ARMC9: variants seen among roughly 807,000 people sequenced by gnomAD.
The protein encoded by ARMC9 is lisH domain-containing protein ARMC9.
ARMC9 carries 94 observed loss-of-function variants against 107.0 expected under a neutral mutation model. The observed-to-expected ratio is 0.88, with a 90% CI of 0.74 to 1.04. ARMC9 has a LOEUF of 1.04. ARMC9 is among the 50% of genes least tolerant of loss of function. ARMC9 has a pLI of 0.00. For synonymous variants in ARMC9, 380 were observed against 396.9 expected (o/e 0.96, Z 0.51); for missense variants, 942 against 1,030.1 (o/e 0.91, Z 1.17).
intron 19 of ARMC9, among the ~76,000 whole-genome samples, chr2:231,311,302 T>C (rs1451895170): frequency 1.3e-5 from 2 of 152,140 alleles, no homozygotes; most frequent in Non-Finnish European, 2.9e-5. Context: ...TTTTTTTTCT[T>C]TTGCTGCTAT....
At chr2:231,224,068 A>G (rs1156349056) in intron 6 of ARMC9, among the ~76,000 whole-genome samples, 4 of 152,160 alleles carry the variant, frequency 2.6e-5, no homozygotes, top group Non-Finnish European at 5.9e-5. Flanking sequence ...CTTAATAATT[A>G]TGGGTGCCAA....
intron 7 of ARMC9, among the ~76,000 whole-genome samples, chr2:231,227,110 A>G (rs148397213): frequency 1.6e-4 from 25 of 152,294 alleles, no homozygotes; most frequent in African/African-American, 6.0e-4. Context: ...AGCATGGGTA[A>G]GGATAGAGTT....
chr2:231,273,088 G>A lies in ARMC9; in HGVS notation c.1334+10G>A, dbSNP rs375505975. The A allele has an allele frequency of 1.0e-4, 165 of 1,610,768 alleles. No homozygotes were observed. The highest frequency in any genetic ancestry group is 1.3e-4 in the Non-Finnish European group (155 of 1,178,384). On this transcript the variant is annotated intron_variant, in intron 14 of 24. Transcript: ENST00000611582. Reference sequence around the variant, plus strand: ...AGAAGTTCAGTCTCAGGTAACGACTGTGCAATAGGTCACGGTGTCTCCTGT... The same window carrying A: ...AGAAGTTCAGTCTCAGGTAACGACTATGCAATAGGTCACGGTGTCTCCTGT...
In ARMC9 at chr2:231,374,241, A is replaced by G. The variant is rs2046127582; in HGVS notation, c.*2706A>G. 6.6e-6 allele frequency: 1 copy of G among 152,180 alleles called. No homozygotes were observed. Among genetic ancestry groups the G allele is most frequent in the Non-Finnish European group, 1.5e-5 (1 of 68,036 alleles). 9.4% of individuals were successfully genotyped at this position (152,180 alleles called of 1,614,324 possible). On this transcript the variant is annotated 3_prime_UTR_variant, in exon 25 of 25. Coordinates refer to ENST00000611582, the MANE Select transcript of ARMC9 (RefSeq NM_001352754.2). ...CGCCTAAGGTTTGCCCTTGAAAACT[A>G]CCAAGGAAGCCACAGAGAGGGATCT...
intron 20 of ARMC9, among the ~76,000 whole-genome samples, chr2:231,344,160 A>G (rs1240308538): frequency 1.3e-5 from 2 of 152,220 alleles, no homozygotes; most frequent in Non-Finnish European, 2.9e-5. Context: ...TTCATTCACT[A>G]GTATTTACAC....
intron 18 of ARMC9, 97 bp from the exon 19 acceptor site, chr2:231,296,101 C>A: frequency 1.2e-6 from 1 of 822,836 alleles, no homozygotes; most frequent in Non-Finnish European, 1.9e-6. Context: ...ACCTCATTCT[C>A]ATTAAGGTGT....
intron 21 of ARMC9, among the ~76,000 whole-genome samples, chr2:231,349,619 T>A (rs912306750): frequency 2.6e-5 from 4 of 152,060 alleles, no homozygotes; most frequent in African/African-American, 4.8e-5. Context: ...CTGTCTCTAC[T>A]AAAAATACAA....
At chr2:231,243,246 C>CAAA (rs993079189) in intron 9 of ARMC9, among the ~76,000 whole-genome samples, 3 of 109,104 alleles carry the variant, frequency 2.7e-5, no homozygotes, top group African/African-American at 3.2e-5. Flanking sequence ...GACTCCGTCT[C>CAAA]AAAAAAAAAA....
At chr2:231,344,618 G>A (rs1006069787) in intron 20 of ARMC9, among the ~76,000 whole-genome samples, 3 of 152,156 alleles carry the variant, frequency 2.0e-5, no homozygotes, top group Admixed American at 6.5e-5. Context: ...ATGTGGAAAT[G>A]TTCGTATTTT....
intron 21 of ARMC9, among the ~76,000 whole-genome samples, chr2:231,354,416 C>G (rs1187905924): frequency 8.3e-6 from 1 of 120,958 alleles, no homozygotes; most frequent in African/African-American, 3.2e-5. Flanking sequence ...GAGTCTCACT[C>G]TGTTGCCCAG....
At chr2:231,228,067 G>A (rs978917136) in intron 7 of ARMC9, among the ~76,000 whole-genome samples, 4 of 152,314 alleles carry the variant, frequency 2.6e-5, no homozygotes, top group South Asian at 4.1e-4. Context: ...CCTCAGCTCT[G>A]CAGGCCCGCT....
intron 17 of ARMC9, among the ~76,000 whole-genome samples, chr2:231,284,698 G>C (rs1053352544): frequency 6.6e-6 from 1 of 152,106 alleles, no homozygotes; most frequent in Non-Finnish European, 1.5e-5. Flanking sequence ...TTATTGTCTT[G>C]GTTACACAGA....
chr2:231,272,151 AGTTTTGTGGGG>A (rs1181803734), intron 13 of ARMC9, among the ~76,000 whole-genome samples: 4 of 147,040 alleles, frequency 2.7e-5, no homozygotes, highest in African/African-American at 7.7e-5. Context: ...AGTTTTAATA[AGTTTTGTGGGG>A]GTTTTGTGTG....
At chr2:231,346,685 C>G (rs897159049) in intron 21 of ARMC9, among the ~76,000 whole-genome samples, 5 of 152,098 alleles carry the variant, frequency 3.3e-5, no homozygotes, top group Non-Finnish European at 5.9e-5. Context: ...TTGCACATAA[C>G]CCCACTATCA....
At chr2:231,268,469 G>T (rs1420995832) in intron 12 of ARMC9, among the ~76,000 whole-genome samples, 1 of 152,148 alleles carries the variant, frequency 6.6e-6, no homozygotes, top group Non-Finnish European at 1.5e-5. Flanking sequence ...CATAGCTGCT[G>T]TCCAGGAGTC....
intron 3 of ARMC9, among the ~76,000 whole-genome samples, chr2:231,211,137 T>TA (rs761212638): frequency 6.8e-6 from 1 of 147,262 alleles, no homozygotes; most frequent in African/African-American, 2.6e-5. Flanking sequence ...CACAAACACA[T>TA]ACACACACAC....
At chr2:231,228,398 C>T (rs1445440115) in intron 7 of ARMC9, among the ~76,000 whole-genome samples, 1 of 152,236 alleles carries the variant, frequency 6.6e-6, no homozygotes, top group Non-Finnish European at 1.5e-5. Context: ...CCAAGGCACT[C>T]ACACGCAGAG....
intron 16 of ARMC9, 130 bp downstream of exon 16, chr2:231,278,588 T>G: frequency 1.4e-6 from 1 of 727,730 alleles, no homozygotes; most frequent in South Asian, 2.0e-5. Flanking sequence ...TTCTCTGTCC[T>G]TCTGGGATTT....
intron 19 of ARMC9, among the ~76,000 whole-genome samples, chr2:231,327,094 T>C (rs1391566823): frequency 1.3e-5 from 2 of 152,164 alleles, no homozygotes; most frequent in Non-Finnish European, 2.9e-5. Context: ...ATATTTGTAT[T>C]GCTCTTTGTA....
Sources: allele counts gnomAD v4.1 joint callset (sites outside exome capture counted in the v4.1 genomes callset), GRCh38; gene constraint gnomAD v4.1.1; transcripts MANE v1.5; gene names NCBI Gene and HGNC (gene_info 2026-07-23, HGNC 2026-07-21).